Variants in C2CD5 observed in about 807,000 individuals in gnomAD.
C2CD5 encodes the protein C2 calcium dependent domain containing 5.
Under a neutral mutation model 130.3 loss-of-function variants are expected in C2CD5, and 109 were observed. That is an observed-to-expected ratio of 0.84 (90% CI 0.72 to 0.98). The LOEUF is 0.98. Ranked by LOEUF, C2CD5 falls within the 50% of genes least tolerant of loss-of-function variation. The pLI is 0.00. For missense variants in C2CD5, 996 were observed against 1,261.8 expected (o/e 0.79, Z 3.19); for synonymous variants, 454 against 429.2 (o/e 1.06, Z -0.71).
intron 25 of C2CD5, among the ~76,000 whole-genome samples, chr12:22,456,495 T>C (rs1201125723): frequency 6.6e-6 from 1 of 152,220 alleles, no homozygotes. Context: ...GAGGTAAGAC[T>C]GAAGAAATGT....
Position 22,469,726 on chromosome 12 carries a change from G to C in C2CD5, c.2516C>G (p.Pro839Arg). The C allele has an allele frequency of 6.2e-7, 1 of 1,601,418 alleles. No homozygotes were observed. The highest frequency in any genetic ancestry group is 1.1e-5 in the South Asian group (1 of 89,344). Residue 839 changes from proline to arginine, a missense_variant, in exon 22 of 27, where the codon CCT (proline) becomes CGT (arginine). Pro to Arg is a moderately radical substitution (Grantham distance 103). This residue lies in a region of C2CD5 where 590 missense variants were observed against 631.4 expected (regional missense o/e 0.93). Coordinates refer to ENST00000446597, the MANE Select transcript of C2CD5 (RefSeq NM_001286176.2). ...TAACCAACCTTTAGCTGGTGGAAAA[G>C]GATGAGAAGGAAGTGAATCTGAACA... ...ELCSDSLPSH[P>R]FPPAKEHLES...
Position 22,474,898 on chromosome 12 carries a change from G to C in C2CD5, c.1903-7C>G. The C allele has an allele frequency of 6.5e-7, 1 of 1,548,024 alleles. No individual in the cohort carries two copies. ...TAATCTCTTCAGATATCTCCTAAAA[G>C]AAATATAATTGTTTTATATCATATG... is the stretch of plus-strand genomic sequence containing the variant. On this transcript the variant is annotated splice_polypyrimidine_tract_variant and splice_region_variant and intron_variant, in intron 15 of 26. Transcript: ENST00000446597.
At chr12:22,505,976 G>C (rs181094716) in intron 10 of C2CD5, among the ~76,000 whole-genome samples, 163 of 142,012 alleles carry the variant, frequency 1.1e-3, no homozygotes, top group Middle Eastern at 7.9e-3. Flanking sequence ...CTGGGATCTG[G>C]GTTCTGTGTC....
At position 22,495,259 on chromosome 12, in the gene C2CD5, TCTGTAC is replaced by T. The variant is rs1250506352; in HGVS notation, c.1148-1928_1148-1923del. On this transcript the variant is annotated intron_variant, in intron 10 of 26. Transcript: ENST00000446597. ...TCTCACATTGGGTTTGCCTTCTTCATCTGTACCACAAGTAATACATGGTGGCTTTAC... is the reference window on the plus strand; with the variant it reads ...TCTCACATTGGGTTTGCCTTCTTCATCACAAGTAATACATGGTGGCTTTAC... 2.0e-5 allele frequency among the ~76,000 whole-genome samples: 3 copies of T among 152,104 alleles called. No individual in the cohort carries two copies. In the East Asian group the frequency reaches 5.8e-4, roughly 29 times the overall value.
chr12:22,500,292 C>G (rs1234038757), intron 10 of C2CD5, among the ~76,000 whole-genome samples: 1 of 151,774 alleles, frequency 6.6e-6, no homozygotes, highest in Non-Finnish European at 1.5e-5. Flanking sequence ...ATTTTGTACT[C>G]TGTGGCAAGC....
rs369638027 is a variant in C2CD5 at position 22,478,797 on chromosome 12, G to A, written c.1738-320C>T. 1.9e-4 allele frequency among the ~76,000 whole-genome samples: 29 copies of A among 151,916 alleles called. 2 individuals are homozygous for A. Among genetic ancestry groups the A allele is most frequent in the African/African-American group, 7.0e-4 (29 of 41,420 alleles). Reference sequence around the variant, plus strand: ...GGAGGCAGAGGTTGCAGTGAGTCAGGATCATGCCTCTGCACTCCAGCCTGG... The same window carrying A: ...GGAGGCAGAGGTTGCAGTGAGTCAGAATCATGCCTCTGCACTCCAGCCTGG... On this transcript the variant is annotated intron_variant, in intron 14 of 26. Transcript: ENST00000446597.
chr12:22,467,069 T>C (rs1942201328), intron 22 of C2CD5, among the ~76,000 whole-genome samples: 1 of 152,238 alleles, frequency 6.6e-6, no homozygotes, highest in Non-Finnish European at 1.5e-5. Context: ...CTTTGCCTCC[T>C]GGCAGGCCAA....
At chr12:22,544,028 C>T in intron 2 of C2CD5, 33 bp downstream of exon 2, 2 of 1,518,978 alleles carry the variant, frequency 1.3e-6, no homozygotes, top group South Asian at 1.1e-5. Context: ...CTTGGCGCTC[C>T]CTGTGTTTTG....
chr12:22,535,592 C>T (rs1377104367), intron 2 of C2CD5, among the ~76,000 whole-genome samples: 1 of 152,022 alleles, frequency 6.6e-6, no homozygotes, highest in East Asian at 1.9e-4. Context: ...TAACTTCCTC[C>T]GTTTCTAAAG....
intron 11 of C2CD5, among the ~76,000 whole-genome samples, chr12:22,491,908 T>C (rs1240802507): frequency 6.6e-6 from 1 of 151,248 alleles, no homozygotes; most frequent in Non-Finnish European, 1.5e-5. Flanking sequence ...ACAAAAAACA[T>C]TTTTCTAAGG....
intron 14 of C2CD5, among the ~76,000 whole-genome samples, chr12:22,479,574 T>C (rs1225670480): frequency 1.3e-5 from 2 of 152,310 alleles, no homozygotes; most frequent in Admixed American, 6.5e-5. Flanking sequence ...TCAATAAATG[T>C]GGACAAACGA....
At chr12:22,455,110 C>T (rs886153702) in intron 25 of C2CD5, among the ~76,000 whole-genome samples, 1 of 152,144 alleles carries the variant, frequency 6.6e-6, no homozygotes, top group African/African-American at 2.4e-5. Context: ...TATTGGGTCA[C>T]ATCCTTCTGA....
At position 22,492,925 on chromosome 12, in the gene C2CD5, T is replaced by C. The variant is rs576296004; in HGVS notation, c.1262+298A>G. On this transcript the variant is annotated intron_variant, in intron 11 of 26. Transcript: ENST00000446597. Reference sequence around the variant, plus strand: ...TACTAAAGGAAGCCTAGAGTTAATATTTGCTGTGTGCCAGTATTATATTCT... The same window carrying C: ...TACTAAAGGAAGCCTAGAGTTAATACTTGCTGTGTGCCAGTATTATATTCT... Among the ~76,000 whole-genome samples, 8 of 152,302 alleles carry C rather than the reference T, an allele frequency of 5.3e-5. No individual in the cohort carries two copies. The South Asian group carries it at 1.7e-3, about 32-fold the overall frequency.
intron 9 of C2CD5, among the ~76,000 whole-genome samples, chr12:22,507,924 T>C (rs1948757710): frequency 1.3e-5 from 2 of 152,198 alleles, no homozygotes; most frequent in Non-Finnish European, 2.9e-5. Context: ...TAAATTTTTA[T>C]CTTAAAAAGA....
intron 22 of C2CD5, among the ~76,000 whole-genome samples, chr12:22,467,177 TTC>T (rs1258517936): frequency 2.0e-5 from 3 of 151,730 alleles, no homozygotes; most frequent in African/African-American, 4.9e-5. Flanking sequence ...TCATTTTTTA[TTC>T]TGTTTTTTTT....
At chr12:22,455,169 A>G (rs2135974250) in intron 25 of C2CD5, among the ~76,000 whole-genome samples, 1 of 152,252 alleles carries the variant, frequency 6.6e-6, no homozygotes, top group South Asian at 2.1e-4. Context: ...CTCTTTTTGT[A>G]GTTAGGGAAT....
At chr12:22,456,227 A>G (rs1023180405) in intron 25 of C2CD5, among the ~76,000 whole-genome samples, 8 of 152,172 alleles carry the variant, frequency 5.3e-5, no homozygotes, top group African/African-American at 1.9e-4. Context: ...TAAAAATACA[A>G]ACTGCAGCTG....
In C2CD5 at chr12:22,459,542, T is replaced by C; in HGVS notation, c.2534A>G (p.Glu845Gly). The C allele has an allele frequency of 6.6e-7, 1 of 1,525,916 alleles. No homozygotes were observed. Among genetic ancestry groups the C allele is most frequent in the South Asian group, 1.2e-5 (1 of 83,834 alleles). 94.5% of individuals were successfully genotyped at this position (1,525,916 alleles called of 1,614,324 possible). ...LPSHPFPPAKEHLESASSNSG... is the reference protein window; with the variant it reads ...LPSHPFPPAKGHLESASSNSG... ...GTTAGAACTTGCACTCTCCAGGTGT[T>C]CTAATAAGACAATATGAACAACATT... is the stretch of plus-strand genomic sequence containing the variant. The change falls in exon 23 of 27, where the codon GAA (glutamate) becomes GGA (glycine). Residue 845 changes from glutamate (E) to glycine (G), a missense_variant and splice_region_variant. Coordinates refer to ENST00000446597, the MANE Select transcript of C2CD5 (RefSeq NM_001286176.2).
intron 2 of C2CD5, among the ~76,000 whole-genome samples, chr12:22,535,587 T>G (rs1202036535): frequency 6.6e-6 from 1 of 151,748 alleles, no homozygotes; most frequent in Non-Finnish European, 1.5e-5. Context: ...AGAACTAACT[T>G]CCTCCGTTTC....
Sources: gnomAD v4.1 joint callset for allele counts (sites outside exome capture counted in the v4.1 genomes callset) on GRCh38, gnomAD v4.1.1 for gene constraint, gnomAD v4.1.1 regional missense constraint, MANE v1.5 for transcripts, NCBI Gene and HGNC (gene_info 2026-07-23, HGNC 2026-07-21) for gene names.